DACH1: variants seen among roughly 807,000 people sequenced by gnomAD.
The protein encoded by DACH1 is dachshund family transcription factor 1, also known as dachshund homolog 1.
In DACH1, 12 loss-of-function variants were observed where a neutral mutation model predicts 54.2. The observed-to-expected ratio is 0.22, with a 90% CI of 0.14 to 0.36. The LOEUF is 0.36. Ranked by LOEUF, DACH1 falls within the 10% of genes least tolerant of loss-of-function variation. DACH1 has a pLI of 1.00. For missense variants in DACH1, 805 were observed against 929.8 expected, an observed-to-expected ratio of 0.87 and a Z score of 1.75; for synonymous variants, 386 against 366.2, an observed-to-expected ratio of 1.05 and a Z score of -0.62.
At chr13:71,520,116 C>G (rs777532362) in intron 6 of DACH1, among the ~76,000 whole-genome samples, 27 of 150,952 alleles carry the variant, frequency 1.8e-4, no homozygotes, top group Non-Finnish European at 3.4e-4. Flanking sequence ...AGAGAAGAAG[C>G]ACTAGTTGAA....
intron 1 of DACH1, among the ~76,000 whole-genome samples, chr13:71,760,292 A>C (rs1029220912): frequency 1.3e-5 from 2 of 152,168 alleles, no homozygotes; most frequent in Non-Finnish European, 2.9e-5. Flanking sequence ...GGAAAGCGAG[A>C]GGCGAATGAT....
chr13:71,866,244 G>C lies in DACH1; in HGVS notation c.526C>G (p.Pro176Ala). The C allele has an allele frequency of 2.5e-6, 4 of 1,611,202 alleles. No homozygotes were observed. The highest frequency in any genetic ancestry group is 3.4e-6 in the Non-Finnish European group (4 of 1,178,654). Reference sequence around the variant, plus strand: ...TGAGGGGTGTTTTCCACTGGGGACGGGGTTGAGTACACGGGTTTCCCGGGG... The same window carrying C: ...TGAGGGGTGTTTTCCACTGGGGACGCGGTTGAGTACACGGGTTTCCCGGGG... ...PLPGKPVYST[P>A]SPVENTPQNN... Residue 176 changes from proline (P) to alanine (A), a missense_variant, in exon 1 of 11, where the codon CCG becomes GCG. Pro to Ala is a conservative substitution (Grantham distance 27). Around this residue, in one of 3 missense-constraint regions of DACH1, gnomAD observed 305 missense variants for 308.7 expected, o/e 0.99. Coordinates refer to ENST00000613252, the MANE Select transcript of DACH1 (RefSeq NM_080759.6).
chr13:71,816,063 C>T (rs1047506798), intron 1 of DACH1, among the ~76,000 whole-genome samples: 10 of 151,098 alleles, frequency 6.6e-5, no homozygotes, highest in Admixed American at 6.6e-5. Context: ...CCAGCCTGGG[C>T]GACAGAGCGA....
At chr13:71,474,445 T>C (rs1877343125) in intron 10 of DACH1, among the ~76,000 whole-genome samples, 1 of 152,180 alleles carries the variant, frequency 6.6e-6, no homozygotes, top group South Asian at 2.1e-4. Context: ...CTGTTTAGTA[T>C]TCATGTTGTT....
intron 1 of DACH1, among the ~76,000 whole-genome samples, chr13:71,851,644 G>A (rs1317240529): frequency 1.3e-5 from 2 of 152,008 alleles, no homozygotes; most frequent in Admixed American, 1.3e-4. Context: ...AAATCCCAGC[G>A]TAGCACATGC....
At chr13:71,592,513 A>AAAAAG (rs1555299238) in intron 3 of DACH1, among the ~76,000 whole-genome samples, 1,687 of 145,262 alleles carry the variant, frequency 0.012, 11 homozygotes, top group Middle Eastern at 0.03. Context: ...AAAAAAAAAA[A>AAAAAG]AAAAGAAAAG....
intron 1 of DACH1, among the ~76,000 whole-genome samples, chr13:71,687,598 A>G (rs761270097): frequency 9.9e-5 from 15 of 152,162 alleles, no homozygotes; most frequent in Non-Finnish European, 1.9e-4. Flanking sequence ...CATTATGTTT[A>G]AAACATAAAA....
intron 3 of DACH1, among the ~76,000 whole-genome samples, chr13:71,609,597 C>T (rs1389891525): frequency 1.3e-5 from 2 of 151,972 alleles, no homozygotes; most frequent in East Asian, 1.9e-4. Context: ...GCGATCTTGG[C>T]TCACTACAAC....
intron 3 of DACH1, among the ~76,000 whole-genome samples, chr13:71,597,577 T>G (rs1446629634): frequency 3.3e-5 from 5 of 152,128 alleles, no homozygotes; most frequent in Non-Finnish European, 7.4e-5. Flanking sequence ...CATGGGGCTC[T>G]CATCAGTGCA....
At chr13:71,758,663 T>C (rs1885272507) in intron 1 of DACH1, among the ~76,000 whole-genome samples, 3 of 152,210 alleles carry the variant, frequency 2.0e-5, no homozygotes, top group African/African-American at 7.2e-5. Context: ...CTGAGGATGA[T>C]ACATCTGAAC....
chr13:71,519,538 T>G (rs1346659191), intron 6 of DACH1, among the ~76,000 whole-genome samples: 2 of 151,560 alleles, frequency 1.3e-5, no homozygotes, highest in Non-Finnish European at 3.0e-5. Context: ...AAACAAGGAT[T>G]AATAGAGCTA....
At chr13:71,586,559 T>G (rs1298083666) in intron 3 of DACH1, among the ~76,000 whole-genome samples, 1 of 152,112 alleles carries the variant, frequency 6.6e-6, no homozygotes, top group Non-Finnish European at 1.5e-5. Flanking sequence ...TATTCTTCAC[T>G]ATTCACAATT....
chr13:71,539,232 T>A (rs921004825), intron 6 of DACH1, among the ~76,000 whole-genome samples: 1 of 152,100 alleles, frequency 6.6e-6, no homozygotes, highest in Admixed American at 6.6e-5. Context: ...GTTTTGCTTC[T>A]GTCTCTTGAA....
intron 1 of DACH1, among the ~76,000 whole-genome samples, chr13:71,855,071 AC>A (rs1873912766): frequency 6.6e-6 from 1 of 152,056 alleles, no homozygotes; most frequent in South Asian, 2.1e-4. Context: ...TATACCTTCC[AC>A]TGGCAATTGT....
chr13:71,602,460 A>C (rs556517825), intron 3 of DACH1, among the ~76,000 whole-genome samples: 36 of 151,942 alleles, frequency 2.4e-4, no homozygotes, highest in Non-Finnish European at 4.4e-4. Context: ...ATCTACACCC[A>C]CTTTGCCTTC....
At chr13:71,516,121 C>G (rs376980069) in intron 6 of DACH1, among the ~76,000 whole-genome samples, 381 of 151,830 alleles carry the variant, frequency 2.5e-3, no homozygotes, top group African/African-American at 8.9e-3. Context: ...TCCAGTGGAC[C>G]AAGAGAGCTC....
intron 1 of DACH1, among the ~76,000 whole-genome samples, chr13:71,794,469 T>C (rs1886961944): frequency 6.6e-6 from 1 of 152,182 alleles, no homozygotes; most frequent in South Asian, 2.1e-4. Context: ...GATGGAGTCT[T>C]GCTTTGTCGC....
At chr13:71,802,307 G>C (rs768150218) in intron 1 of DACH1, among the ~76,000 whole-genome samples, 13 of 151,890 alleles carry the variant, frequency 8.6e-5, no homozygotes, top group Non-Finnish European at 1.8e-4. Context: ...TGAGAAATAG[G>C]GCTATCAGCA....
intron 4 of DACH1, among the ~76,000 whole-genome samples, chr13:71,569,612 G>A (rs1885085124): frequency 6.6e-6 from 1 of 152,048 alleles, no homozygotes; most frequent in Admixed American, 6.6e-5. Flanking sequence ...GCATTGATAT[G>A]TTAATGAAAA....
Sources: gnomAD v4.1 joint callset for allele counts (sites outside exome capture counted in the v4.1 genomes callset) on GRCh38, gnomAD v4.1.1 for gene constraint, gnomAD v4.1.1 regional missense constraint, MANE v1.5 for transcripts, NCBI Gene and HGNC (gene_info 2026-07-23, HGNC 2026-07-21) for gene names.